CDH12: variants seen among roughly 807,000 people sequenced by gnomAD.
CDH12 encodes cadherin-12.
In CDH12, 41 loss-of-function variants were observed where a neutral mutation model predicts 74.1. The ratio of observed to expected loss-of-function variants is 0.55; its 90% confidence interval spans 0.43 to 0.72. The LOEUF (loss-of-function observed/expected upper bound fraction) is 0.72, where lower values mean the gene tolerates loss of function less well. Ranked by LOEUF, CDH12 falls within the 30% of genes least tolerant of loss-of-function variation. The pLI is 0.00. For missense variants in CDH12, 945 were observed against 977.2 expected, an observed-to-expected ratio of 0.97 and a Z score of 0.44; for synonymous variants, 399 against 355.0, an observed-to-expected ratio of 1.12 and a Z score of -1.39.
At chr5:21,828,699 AT>A (rs1005276737) in intron 8 of CDH12, among the ~76,000 whole-genome samples, 6 of 151,872 alleles carry the variant, frequency 4.0e-5, no homozygotes, top group African/African-American at 1.5e-4. Flanking sequence ...CCCGCATTTT[AT>A]TTTTTTAATA....
chr5:22,641,056 CGATA>C (rs1255708281), intron 1 of CDH12, among the ~76,000 whole-genome samples: 2 of 152,086 alleles, frequency 1.3e-5, no homozygotes, highest in Admixed American at 1.3e-4. Flanking sequence ...TTGACCAATA[CGATA>C]GATAGACACA....
chr5:22,153,891 T>C (rs10473576), intron 4 of CDH12, among the ~76,000 whole-genome samples: 8 of 32,064 alleles, frequency 2.5e-4, no homozygotes, highest in Admixed American at 1.2e-3. Flanking sequence ...TATATATAAA[T>C]ATATATATAT....
chr5:22,539,502 G>A (rs956023115), intron 1 of CDH12, among the ~76,000 whole-genome samples: 1 of 152,206 alleles, frequency 6.6e-6, no homozygotes, highest in Non-Finnish European at 1.5e-5. Context: ...GAAAGGCAAT[G>A]AAAAATCTTC....
chr5:21,944,609 A>G (rs533974115), intron 6 of CDH12, among the ~76,000 whole-genome samples: 1 of 152,326 alleles, frequency 6.6e-6, no homozygotes, highest in Non-Finnish European at 1.5e-5. Context: ...GAGAATAAGT[A>G]CTATAAAAGC....
rs553017976 is a variant in CDH12, at chr5:21,976,870, T to C, written c.232-1485A>G. ...CTGAAAATATTTTAAATTATATAAA[T>C]ATCCTGTTGCAAATAAGCTTCCTGT... On this transcript the variant is annotated intron_variant, in intron 5 of 14. Transcript: ENST00000382254. Among the ~76,000 whole-genome samples, 182 of 152,172 alleles carry C rather than the reference T, an allele frequency of 1.2e-3. 1 individual carries two copies. The highest frequency in any genetic ancestry group is 4.1e-3 in the African/African-American group (170 of 41,580).
chr5:22,493,972 G>C (rs1468480079), intron 2 of CDH12, among the ~76,000 whole-genome samples: 1 of 152,134 alleles, frequency 6.6e-6, no homozygotes, highest in African/African-American at 2.4e-5. Flanking sequence ...AGGGTTGGGG[G>C]AGGCAGTGTT....
At chr5:22,211,591 A>T in intron 4 of CDH12, among the ~76,000 whole-genome samples, 1 of 151,938 alleles carries the variant, frequency 6.6e-6, no homozygotes, top group Admixed American at 6.6e-5. Context: ...TTTGGAAAAA[A>T]GTTGCTTACA....
chr5:21,751,524 T>G lies in CDH12; in HGVS notation c.*213A>C, dbSNP rs12109539. 0.031 allele frequency: 17,130 copies of G among 549,332 alleles called. 1,684 individuals are homozygous for G. The highest frequency in any genetic ancestry group is 0.25 in the African/African-American group (13,186 of 53,110). The allele number at this position is 549,332 out of a possible 1,614,324, so 34.0% of individuals were successfully genotyped here. A position where few individuals can be genotyped will look rare whatever the true frequency, so the allele number is the denominator to read the frequency against. On this transcript the variant is annotated 3_prime_UTR_variant, in exon 15 of 15. Transcript: ENST00000382254. ...AAGTACACATTATAGGATGTATCTC[T>G]TGTTGGCAGAATAAACCAAAACTGA...
intron 6 of CDH12, among the ~76,000 whole-genome samples, chr5:21,867,186 C>A (rs1012853810): frequency 6.6e-6 from 1 of 152,120 alleles, no homozygotes; most frequent in African/African-American, 2.4e-5. Context: ...GAACCCATGT[C>A]TCTACTAAAA....
intron 1 of CDH12, among the ~76,000 whole-genome samples, chr5:22,624,093 G>T (rs967628532): frequency 6.6e-6 from 1 of 152,126 alleles, no homozygotes; most frequent in African/African-American, 2.4e-5. Context: ...AAATGGTACT[G>T]GGAAAACTGG....
At chr5:22,778,809 C>G (rs1747239398) in intron 1 of CDH12, among the ~76,000 whole-genome samples, 1 of 151,976 alleles carries the variant, frequency 6.6e-6, no homozygotes, top group Admixed American at 6.6e-5. Flanking sequence ...AATTCAAAAA[C>G]TAAAGTCCTT....
intron 1 of CDH12, among the ~76,000 whole-genome samples, chr5:22,745,861 A>T (rs1053496552): frequency 6.6e-6 from 1 of 152,164 alleles, no homozygotes; most frequent in African/African-American, 2.4e-5. Flanking sequence ...GCAAACCACC[A>T]TGACACATGT....
chr5:22,508,428 G>A (rs1246880086), intron 1 of CDH12, among the ~76,000 whole-genome samples: 1 of 152,116 alleles, frequency 6.6e-6, no homozygotes, highest in Non-Finnish European at 1.5e-5. Context: ...TGTTGAACTG[G>A]CCCTGCAAAG....
intron 11 of CDH12, 91 bp from the exon 12 acceptor site, chr5:21,765,190 G>A (rs1328280898): frequency 2.7e-6 from 3 of 1,092,054 alleles, no homozygotes; most frequent in East Asian, 6.0e-5. Context: ...TTAAAAATCA[G>A]CCTTTATATA....
chr5:21,858,023 C>T (rs1326723578), intron 6 of CDH12, among the ~76,000 whole-genome samples: 4 of 147,510 alleles, frequency 2.7e-5, no homozygotes, highest in South Asian at 2.1e-4. Flanking sequence ...TTGTATCTCC[C>T]TTTTTTTTTT....
At chr5:22,774,018 A>G (rs113205393) in intron 1 of CDH12, among the ~76,000 whole-genome samples, 13 of 152,258 alleles carry the variant, frequency 8.5e-5, no homozygotes, top group African/African-American at 3.1e-4. Flanking sequence ...AGGGAAAGGA[A>G]CACTGTTGGT....
At chr5:22,750,204 A>G (rs1234086001) in intron 1 of CDH12, among the ~76,000 whole-genome samples, 3 of 152,194 alleles carry the variant, frequency 2.0e-5, no homozygotes, top group African/African-American at 7.2e-5. Flanking sequence ...GAACAAAGAG[A>G]AAAGCTACTT....
chr5:22,014,288 C>G (rs1221780002), intron 5 of CDH12, among the ~76,000 whole-genome samples: 2 of 152,116 alleles, frequency 1.3e-5, no homozygotes, highest in African/African-American at 2.4e-5. Context: ...GAGATTTGAT[C>G]TTATAATTGG....
chr5:22,068,953 T>C (rs756228251), intron 5 of CDH12, among the ~76,000 whole-genome samples: 1 of 152,132 alleles, frequency 6.6e-6, no homozygotes, highest in South Asian at 2.1e-4. Flanking sequence ...ATCCCCAATA[T>C]GGCACCATTC....
Sources: allele counts gnomAD v4.1 joint callset (sites outside exome capture counted in the v4.1 genomes callset), GRCh38; gene constraint gnomAD v4.1.1; transcripts MANE v1.5; gene names NCBI Gene and HGNC (gene_info 2026-07-23, HGNC 2026-07-21).